Variants in ARHGAP24 observed in about 807,000 individuals in gnomAD.
ARHGAP24 encodes the protein rho GTPase-activating protein 24.
A neutral mutation model predicts 76.4 loss-of-function variants in ARHGAP24; 50 were observed. The ratio of observed to expected loss-of-function variants is 0.65; its 90% confidence interval spans 0.52 to 0.83. The LOEUF (loss-of-function observed/expected upper bound fraction) is 0.83, where lower values mean the gene tolerates loss of function less well. ARHGAP24 is among the 40% of genes least tolerant of loss of function. The pLI is 0.00. For missense variants in ARHGAP24, 930 were observed against 914.2 expected (o/e 1.02, Z -0.22); for synonymous variants, 345 against 323.3 (o/e 1.07, Z -0.72).
At chr4:85,627,146 C>G (rs116763730) in intron 2 of ARHGAP24, among the ~76,000 whole-genome samples, 49,991 of 151,932 alleles carry the variant, frequency 0.33, 9,263 homozygotes, top group East Asian at 0.84. Context: ...GAGGAGAGGC[C>G]TTCTGATTTT....
chr4:85,883,407 T>C (rs1733367527), intron 3 of ARHGAP24, among the ~76,000 whole-genome samples: 1 of 152,176 alleles, frequency 6.6e-6, no homozygotes, highest in Admixed American at 6.5e-5. Context: ...ATGATTCTAG[T>C]GTGCGGCTTA....
intron 3 of ARHGAP24, among the ~76,000 whole-genome samples, chr4:85,736,466 A>G (rs915645786): frequency 6.6e-6 from 1 of 152,214 alleles, no homozygotes; most frequent in Non-Finnish European, 1.5e-5. Context: ...AGAAACCCTG[A>G]GTGCTACAGT....
At chr4:85,917,747 CTG>C (rs1304494635) in intron 3 of ARHGAP24, among the ~76,000 whole-genome samples, 4 of 152,036 alleles carry the variant, frequency 2.6e-5, no homozygotes, top group African/African-American at 7.2e-5. Context: ...TTCTAAGAAA[CTG>C]TTTGTTTTTT....
At chr4:85,578,187 T>A (rs1242941635) in intron 2 of ARHGAP24, among the ~76,000 whole-genome samples, 5 of 152,198 alleles carry the variant, frequency 3.3e-5, no homozygotes, top group African/African-American at 1.2e-4. Flanking sequence ...TATAATTGAC[T>A]ATTTTATATT....
chr4:85,929,495 AC>A (rs1736202265), intron 4 of ARHGAP24, among the ~76,000 whole-genome samples: 1 of 152,212 alleles, frequency 6.6e-6, no homozygotes, highest in Non-Finnish European at 1.5e-5. Flanking sequence ...TGAATGATTA[AC>A]CCAGCAAGTA....
chr4:85,697,509 T>TA (rs145288174), intron 2 of ARHGAP24, among the ~76,000 whole-genome samples: 1 of 152,228 alleles, frequency 6.6e-6, no homozygotes. Context: ...TAATAAATTT[T>TA]AAAAAAATAT....
chr4:85,681,061 C>T (rs1348186881), intron 2 of ARHGAP24, among the ~76,000 whole-genome samples: 1 of 152,044 alleles, frequency 6.6e-6, no homozygotes, highest in East Asian at 1.9e-4. Flanking sequence ...AGAATGTTCT[C>T]AAAATTCAAC....
chr4:85,866,960 C>T (rs771933348), intron 3 of ARHGAP24, among the ~76,000 whole-genome samples: 1 of 152,078 alleles, frequency 6.6e-6, no homozygotes, highest in Non-Finnish European at 1.5e-5. Flanking sequence ...ATTAAACCCT[C>T]CATGAGTTAT....
At chr4:85,948,867 C>G (rs750872398) in intron 5 of ARHGAP24, among the ~76,000 whole-genome samples, 2 of 152,070 alleles carry the variant, frequency 1.3e-5, no homozygotes, top group Non-Finnish European at 2.9e-5. Context: ...TTTCCTACAT[C>G]GAGACTCTTT....
intron 2 of ARHGAP24, among the ~76,000 whole-genome samples, chr4:85,676,113 G>A (rs1366673987): frequency 1.3e-5 from 2 of 152,116 alleles, no homozygotes; most frequent in Admixed American, 6.5e-5. Flanking sequence ...GATTGATATG[G>A]CAGTTATCAT....
At chr4:85,694,711 A>G (rs1003337801) in intron 2 of ARHGAP24, among the ~76,000 whole-genome samples, 4 of 152,178 alleles carry the variant, frequency 2.6e-5, no homozygotes, top group Non-Finnish European at 4.4e-5. Context: ...ATATACATGT[A>G]TACATATATT....
intron 3 of ARHGAP24, among the ~76,000 whole-genome samples, chr4:85,903,721 A>G (rs1474193430): frequency 1.3e-5 from 2 of 152,132 alleles, no homozygotes; most frequent in East Asian, 3.8e-4. Flanking sequence ...TCTGAATTGG[A>G]CCCAGACACC....
chr4:85,799,005 A>G (rs767380926), intron 3 of ARHGAP24, among the ~76,000 whole-genome samples: 2 of 152,206 alleles, frequency 1.3e-5, no homozygotes, highest in Non-Finnish European at 2.9e-5. Flanking sequence ...GAAAATTAGT[A>G]TGAACCACCC....
rs143434460 is a variant in ARHGAP24, at chr4:85,847,917, C to A, written c.269-75731C>A. 1.7e-4 allele frequency among the ~76,000 whole-genome samples: 26 copies of A among 152,196 alleles called. No individual in the cohort carries two copies. The East Asian group carries it at 4.6e-3, about 27-fold the overall frequency. ...CATCCAGTAATGCATCCCAGTGCTGCAGATGAACAATGCTCATTTTTCAGT... is the reference window on the plus strand; with the variant it reads ...CATCCAGTAATGCATCCCAGTGCTGAAGATGAACAATGCTCATTTTTCAGT... On this transcript the variant is annotated intron_variant, in intron 3 of 9. Transcript: ENST00000395184.
At chr4:85,883,591 T>C (rs1465764174) in intron 3 of ARHGAP24, among the ~76,000 whole-genome samples, 2 of 151,952 alleles carry the variant, frequency 1.3e-5, no homozygotes, top group African/African-American at 4.8e-5. Flanking sequence ...AAATAATACA[T>C]CATTACATAA....
At chr4:85,788,447 G>T (rs954201421) in intron 3 of ARHGAP24, among the ~76,000 whole-genome samples, 1 of 152,134 alleles carries the variant, frequency 6.6e-6, no homozygotes, top group Non-Finnish European at 1.5e-5. Context: ...TATCGAAAGT[G>T]TAAAGTATAC....
chr4:85,613,215 G>C (rs1362944162), intron 2 of ARHGAP24, among the ~76,000 whole-genome samples: 1 of 152,014 alleles, frequency 6.6e-6, no homozygotes, highest in African/African-American at 2.4e-5. Context: ...TGTTTTAAAA[G>C]TTTAATAAAT....
chr4:85,693,815 G>T (rs1196766338), intron 2 of ARHGAP24, among the ~76,000 whole-genome samples: 1 of 152,200 alleles, frequency 6.6e-6, no homozygotes. Flanking sequence ...GGAAAGCCCA[G>T]GGGGCATGGG....
At chr4:85,690,193 T>G (rs192281748) in intron 2 of ARHGAP24, among the ~76,000 whole-genome samples, 1 of 152,180 alleles carries the variant, frequency 6.6e-6, no homozygotes, top group African/African-American at 2.4e-5. Context: ...TTGTTGCGGA[T>G]TTTTGCATTG....
Sources: allele counts gnomAD v4.1 joint callset (sites outside exome capture counted in the v4.1 genomes callset), GRCh38; gene constraint gnomAD v4.1.1; transcripts MANE v1.5; gene names NCBI Gene and HGNC (gene_info 2026-07-23, HGNC 2026-07-21).